Variants in CYFIP1 observed in about 807,000 individuals in gnomAD.
CYFIP1 encodes the protein cytoplasmic FMR1-interacting protein 1.
CYFIP1 carries 58 observed loss-of-function variants against 163.5 expected under a neutral mutation model. That is an observed-to-expected ratio of 0.35 (90% CI 0.29 to 0.44). The LOEUF (loss-of-function observed/expected upper bound fraction) is 0.44. Among genes scored for constraint, CYFIP1 ranks in the 20% least tolerant of loss-of-function variants. The probability of loss-of-function intolerance (pLI) is 1.00; values close to 1 mark genes in which losing one functional copy is unlikely to be tolerated. For synonymous variants in CYFIP1, 663 were observed against 660.7 expected, an observed-to-expected ratio of 1.00 and a Z score of -0.05; for missense variants, 1,338 against 1,653.8, an observed-to-expected ratio of 0.81 and a Z score of 3.31.
chr15:22,908,050 G>A (rs2060643109), intron 21 of CYFIP1, among the ~76,000 whole-genome samples: 1 of 152,082 alleles, frequency 6.6e-6, no homozygotes, highest in African/African-American at 2.4e-5. Context: ...CCCCAGTTCA[G>A]ATGTTTTTAA....
chr15:22,896,129 C>T (rs1267183993), intron 22 of CYFIP1, among the ~76,000 whole-genome samples: 1 of 152,152 alleles, frequency 6.6e-6, no homozygotes, highest in African/African-American at 2.4e-5. Context: ...GCAGCAAAGG[C>T]AGTCTTGTGG....
intron 1 of CYFIP1, chr15:22,951,632 G>A (rs567941001): frequency 5.5e-6 from 6 of 1,100,008 alleles, no homozygotes; most frequent in Non-Finnish European, 1.2e-6. Context: ...GTCATGCCCG[G>A]GCCCCACGCG....
intron 1 of CYFIP1, among the ~76,000 whole-genome samples, chr15:22,951,803 G>A (rs1018411388): frequency 4.6e-5 from 7 of 152,190 alleles, no homozygotes; most frequent in African/African-American, 1.4e-4. Context: ...AGGTGGGGAG[G>A]GGCGCCACAG....
rs1174671912 is a variant in CYFIP1 at position 22,867,242 on chromosome 15, A to AAAAC, written c.*2782_*2785dup. The AAAAC allele has an allele frequency of 1.2e-4, 50 of 404,222 alleles. No individual in the cohort carries two copies. The South Asian group carries it at 3.5e-3, about 28-fold the overall frequency. 25.0% of individuals were successfully genotyped at this position (404,222 alleles called of 1,614,324 possible). A position where few individuals can be genotyped will look rare whatever the true frequency, so the allele number is the denominator to read the frequency against. ...CCATGTAAGGCTTTTTTATTTTAAA[A>AAAAC]AAACAGAGTTATCCCAATACATTAT... is the stretch of plus-strand genomic sequence containing the variant. On this transcript the variant is annotated 3_prime_UTR_variant, in exon 31 of 31. Coordinates refer to ENST00000617928, the MANE Select transcript of CYFIP1 (RefSeq NM_014608.6).
intron 1 of CYFIP1, among the ~76,000 whole-genome samples, chr15:22,949,867 C>G (rs934338454): frequency 6.6e-5 from 10 of 151,620 alleles, no homozygotes; most frequent in African/African-American, 2.4e-4. Context: ...TACAGCCAGG[C>G]GCTGCAGTCC....
At chr15:22,894,415 G>A (rs140221331) in intron 22 of CYFIP1, among the ~76,000 whole-genome samples, 1 of 148,504 alleles carries the variant, frequency 6.7e-6, no homozygotes, top group African/African-American at 2.5e-5. Flanking sequence ...TCAGCCTCCC[G>A]AGTAGCTGGG....
intron 1 of CYFIP1, among the ~76,000 whole-genome samples, chr15:22,967,537 C>T (rs181112110): frequency 2.1e-4 from 32 of 152,284 alleles, no homozygotes; most frequent in African/African-American, 7.5e-4. Context: ...TGTGTCTTCA[C>T]ACACACTTCC....
Position 22,926,050 on chromosome 15 carries a change from T to C in CYFIP1, c.1291A>G (p.Ser431Gly), listed in dbSNP as rs1318731126. ...GTGGCACGCTCGTACTCTTCAGCGC[T>C]GTCGGGGCAGTCCTTGTTGGAGTAC... ...DKYSNKDCPD[S>G]AEEYERATRY... The change falls in exon 13 of 31, where the codon AGC (serine) becomes GGC (glycine). Residue 431 changes from serine (S) to glycine (G), a missense_variant. Transcript: ENST00000617928. The C allele has an allele frequency of 1.2e-6, 2 of 1,614,052 alleles. No individual in the cohort carries two copies. The highest frequency in any genetic ancestry group is 1.7e-5 in the Admixed American group (1 of 59,992).
intron 1 of CYFIP1, among the ~76,000 whole-genome samples, chr15:22,960,478 C>G (rs191636992): frequency 2.2e-3 from 335 of 152,308 alleles, no homozygotes; most frequent in Middle Eastern, 0.02. Flanking sequence ...CGAGCAGGGA[C>G]CTAACGGGGA....
At position 22,886,420 on chromosome 15, in the gene CYFIP1, A is replaced by C. The variant is rs530172390; in HGVS notation, c.2677-3409T>G. Among the ~76,000 whole-genome samples, 12 of 152,312 alleles carry C rather than the reference A, an allele frequency of 7.9e-5. No individual in the cohort carries two copies. In the East Asian group the frequency reaches 2.3e-3, roughly 29 times the overall value. On this transcript the variant is annotated intron_variant, in intron 23 of 30. Transcript: ENST00000617928. ...AGCTGTATACCAAATAAATCAAATAAATAAATCGAATAATCAAATCAAATA... is the reference window on the plus strand; with the variant it reads ...AGCTGTATACCAAATAAATCAAATACATAAATCGAATAATCAAATCAAATA...
intron 11 of CYFIP1, 86 bp from the exon 12 acceptor site, chr15:22,928,114 CA>C (rs1166034783): frequency 1.5e-6 from 2 of 1,377,456 alleles, no homozygotes; most frequent in Non-Finnish European, 1.9e-6. Context: ...GAATCCACCC[CA>C]AAGTCACACG....
At chr15:22,956,605 CA>C (rs2062464030) in intron 1 of CYFIP1, among the ~76,000 whole-genome samples, 1 of 152,070 alleles carries the variant, frequency 6.6e-6, no homozygotes, top group Non-Finnish European at 1.5e-5. Context: ...TCAAACAAGT[CA>C]GGGGCTCTGG....
chr15:22,909,362 T>G, intron 20 of CYFIP1, 49 bp from the exon 21 acceptor site: 1 of 1,603,802 alleles, frequency 6.2e-7, no homozygotes, highest in Non-Finnish European at 8.5e-7. Flanking sequence ...CATGAGCAGC[T>G]CGAAAACAAC....
At chr15:22,871,318 G>C (rs1369564525) in intron 30 of CYFIP1, among the ~76,000 whole-genome samples, 1 of 152,178 alleles carries the variant, frequency 6.6e-6, no homozygotes, top group Non-Finnish European at 1.5e-5. Flanking sequence ...ATAAGAGATG[G>C]AAAAAGTTCA....
At chr15:22,973,675 CA>C (rs1441501161) in intron 1 of CYFIP1, among the ~76,000 whole-genome samples, 1 of 151,800 alleles carries the variant, frequency 6.6e-6, no homozygotes, top group East Asian at 1.9e-4. Flanking sequence ...AATAAAGCCT[CA>C]AAAGCAAAGG....
intron 1 of CYFIP1, among the ~76,000 whole-genome samples, chr15:22,955,041 G>A (rs934854133): frequency 6.6e-6 from 1 of 152,194 alleles, no homozygotes; most frequent in Non-Finnish European, 1.5e-5. Context: ...CTGGATCGTG[G>A]AACCCCAGAT....
Position 22,882,921 on chromosome 15 carries a change from A to G in CYFIP1, c.2767T>C (p.Tyr923His). The change falls in exon 24 of 31, where the codon TAC becomes CAC. Residue 923 changes from tyrosine (Y) to histidine (H), a missense_variant. This residue lies in a region of CYFIP1 where 824 missense variants were observed against 995.7 expected (regional missense o/e 0.83). Coordinates refer to ENST00000617928, the MANE Select transcript of CYFIP1 (RefSeq NM_014608.6). ...HFQVICRLLGYQGIAVVMEEL... is the reference protein window; with the variant it reads ...HFQVICRLLGHQGIAVVMEEL... ...TCCATGACCACGGCGATACCCTGGT[A>G]GCCGAGAAGCCGGCAGATGACTTGA... 6.2e-7 allele frequency: 1 copy of G among 1,614,090 alleles called. No individual in the cohort carries two copies. Among genetic ancestry groups the G allele is most frequent in the Non-Finnish European group, 8.5e-7 (1 of 1,179,962 alleles).
At chr15:22,935,432 G>C (rs968192915) in intron 9 of CYFIP1, among the ~76,000 whole-genome samples, 1 of 152,174 alleles carries the variant, frequency 6.6e-6, no homozygotes, top group Non-Finnish European at 1.5e-5. Context: ...GTTCCAGGGG[G>C]ATTAGATCTA....
At chr15:22,962,878 C>G (rs1022982400) in intron 1 of CYFIP1, among the ~76,000 whole-genome samples, 1 of 152,182 alleles carries the variant, frequency 6.6e-6, no homozygotes, top group African/African-American at 2.4e-5. Context: ...GCTATTCCAC[C>G]CAACCAACAA....
Sources: allele counts gnomAD v4.1 joint callset (sites outside exome capture counted in the v4.1 genomes callset), GRCh38; gene constraint gnomAD v4.1.1; regional missense constraint gnomAD v4.1.1; transcripts MANE v1.5; gene names NCBI Gene and HGNC (gene_info 2026-07-23, HGNC 2026-07-21).